The following GMDS variants were observed in gnomAD, a reference collection of about 807,000 sequenced individuals.
GMDS encodes the protein GDP-mannose 4,6 dehydratase.
GMDS carries 20 observed loss-of-function variants against 49.9 expected under a neutral mutation model. That is an observed-to-expected ratio of 0.40 (90% confidence interval 0.28 to 0.58). GMDS has a LOEUF of 0.58. GMDS is among the 20% of genes least tolerant of loss of function. The probability of loss-of-function intolerance (pLI) is 0.42; values close to 1 mark genes in which losing one functional copy is unlikely to be tolerated. For synonymous variants in GMDS, 177 were observed against 178.6 expected (o/e 0.99, Z 0.07); for missense variants, 362 against 481.4 (o/e 0.75, Z 2.32).
At chr6:1,953,275 C>T (rs926646353) in intron 6 of GMDS, among the ~76,000 whole-genome samples, 3 of 151,914 alleles carry the variant, frequency 2.0e-5, no homozygotes, top group Admixed American at 6.6e-5. Flanking sequence ...GAAATCAAAG[C>T]GGCTAATTCT....
At chr6:1,736,021 C>T (rs979078426) in intron 8 of GMDS, among the ~76,000 whole-genome samples, 16 of 152,234 alleles carry the variant, frequency 1.1e-4, no homozygotes, top group African/African-American at 3.4e-4. Flanking sequence ...CTTATGAAGG[C>T]AGCAGTTATT....
intron 4 of GMDS, among the ~76,000 whole-genome samples, chr6:1,976,080 G>A (rs1764882494): frequency 6.6e-6 from 1 of 152,174 alleles, no homozygotes; most frequent in Non-Finnish European, 1.5e-5. Flanking sequence ...TTTGGCTTGT[G>A]AACTCTAGGT....
At chr6:1,974,718 A>G (rs145310093) in intron 4 of GMDS, among the ~76,000 whole-genome samples, 120 of 152,244 alleles carry the variant, frequency 7.9e-4, no homozygotes, top group African/African-American at 2.8e-3. Context: ...ATGCCAACAG[A>G]TTACTAATGC....
chr6:1,660,677 A>G (rs1764038328), intron 9 of GMDS, among the ~76,000 whole-genome samples: 1 of 149,704 alleles, frequency 6.7e-6, no homozygotes, highest in East Asian at 1.9e-4. Flanking sequence ...AATAAGAGGC[A>G]TATCTCAAAC....
Position 1,827,134 on chromosome 6 carries a change from GATAT to G in GMDS, c.772-84552_772-84549del, listed in dbSNP as rs533019372. 4.4e-3 allele frequency among the ~76,000 whole-genome samples: 551 copies of G among 124,474 alleles called. 1 individual carries two copies. Among genetic ancestry groups the G allele is most frequent in the Non-Finnish European group, 7.8e-3 (452 of 57,952 alleles). The allele number at this position is 124,474 out of a possible 152,430, so 81.7% of individuals were successfully genotyped here. On this transcript the variant is annotated intron_variant, in intron 7 of 10. Coordinates refer to ENST00000380815, the MANE Select transcript of GMDS (RefSeq NM_001500.4). Reference sequence around the variant, plus strand: ...TGTGTGTGTGTGTATGTGTATCCAGGATATATATATATATATATGCACACACACA... The same window carrying G: ...TGTGTGTGTGTGTATGTGTATCCAGGATATATATATATATGCACACACACA...
rs552280181 is a variant in GMDS at position 2,220,285 on chromosome 6, A to C, written c.102+25036T>G. ...CAAGATACAGGTACGGTAACCTTTT[A>C]GTCAACACAAGGCCTCACAGATGGA... On this transcript the variant is annotated intron_variant, in intron 1 of 10. Coordinates refer to ENST00000380815, the MANE Select transcript of GMDS (RefSeq NM_001500.4). 8.5e-5 allele frequency among the ~76,000 whole-genome samples: 13 copies of C among 152,290 alleles called. No individual in the cohort carries two copies. In the South Asian group the frequency reaches 2.1e-3, roughly 24 times the overall value.
intron 1 of GMDS, among the ~76,000 whole-genome samples, chr6:2,180,934 G>A (rs1181000235): frequency 6.6e-6 from 1 of 152,136 alleles, no homozygotes; most frequent in Non-Finnish European, 1.5e-5. Context: ...TTGGGAGGCT[G>A]AGGCGGGCAG....
At chr6:1,772,011 AC>A (rs1768596820) in intron 7 of GMDS, among the ~76,000 whole-genome samples, 1 of 152,254 alleles carries the variant, frequency 6.6e-6, no homozygotes, top group African/African-American at 2.4e-5. Context: ...AATAGAAAGA[AC>A]AGCCCTGTGA....
chr6:2,002,258 A>G (rs1218134019), intron 4 of GMDS, among the ~76,000 whole-genome samples: 2 of 152,222 alleles, frequency 1.3e-5, no homozygotes, highest in Non-Finnish European at 2.9e-5. Context: ...TAGTGGCGAA[A>G]GACAGTGTCT....
At chr6:1,841,259 A>G (rs1206290658) in intron 7 of GMDS, among the ~76,000 whole-genome samples, 1 of 152,224 alleles carries the variant, frequency 6.6e-6, no homozygotes. Flanking sequence ...CTCTCAGAAC[A>G]TCCCAAAATA....
intron 4 of GMDS, among the ~76,000 whole-genome samples, chr6:2,004,704 G>C (rs571189676): frequency 6.6e-6 from 1 of 152,114 alleles, no homozygotes; most frequent in Admixed American, 6.6e-5. Flanking sequence ...AAGAAATCCT[G>C]AACACTTCAT....
chr6:1,838,823 A>G (rs999692775), intron 7 of GMDS, among the ~76,000 whole-genome samples: 1 of 152,204 alleles, frequency 6.6e-6, no homozygotes, highest in African/African-American at 2.4e-5. Flanking sequence ...GCATGTAAAC[A>G]TACCTATTAA....
intron 4 of GMDS, among the ~76,000 whole-genome samples, chr6:2,042,351 A>G (rs1769734840): frequency 6.6e-6 from 1 of 152,124 alleles, no homozygotes; most frequent in Non-Finnish European, 1.5e-5. Context: ...TGGCTGACCC[A>G]TCAGCAGGTC....
intron 9 of GMDS, among the ~76,000 whole-genome samples, chr6:1,718,100 C>T (rs904843891): frequency 1.3e-5 from 2 of 152,078 alleles, no homozygotes; most frequent in African/African-American, 4.8e-5. Flanking sequence ...TCCTGGAATT[C>T]GAATTTGCCT....
At position 1,652,745 on chromosome 6, in the gene GMDS, GAC is replaced by G. The variant is rs1763754736; in HGVS notation, c.988-28207_988-28206del. ...AGAGAGAGAGAGAGAGAGAGAGACA[GAC>G]AGACAGACAGACAGACAGACAGACA... On this transcript the variant is annotated intron_variant, in intron 9 of 10. Coordinates refer to ENST00000380815, the MANE Select transcript of GMDS (RefSeq NM_001500.4). Among the ~76,000 whole-genome samples the G allele has an allele frequency of 2.0e-5, 2 of 99,010 alleles. 1 individual carries two copies. The highest frequency in any genetic ancestry group is 9.3e-5 in the African/African-American group (2 of 21,538). 65.0% of individuals were successfully genotyped at this position (99,010 alleles called of 152,430 possible).
chr6:2,091,258 C>T (rs1773297920), intron 4 of GMDS, among the ~76,000 whole-genome samples: 1 of 152,192 alleles, frequency 6.6e-6, no homozygotes, highest in Non-Finnish European at 1.5e-5. Context: ...ATACATTTAA[C>T]AACTTCAATG....
At chr6:1,865,739 C>G (rs779299303) in intron 7 of GMDS, among the ~76,000 whole-genome samples, 1 of 152,176 alleles carries the variant, frequency 6.6e-6, no homozygotes, top group Non-Finnish European at 1.5e-5. Flanking sequence ...TTCCACCCAG[C>G]GAAGCGGTCT....
intron 4 of GMDS, among the ~76,000 whole-genome samples, chr6:2,064,677 G>T (rs553383854): frequency 8.9e-4 from 135 of 152,238 alleles, no homozygotes; most frequent in Non-Finnish European, 1.5e-3. Flanking sequence ...TACACTTCCC[G>T]ACACAAGGCC....
At chr6:1,990,663 C>T (rs1358862229) in intron 4 of GMDS, among the ~76,000 whole-genome samples, 1 of 152,170 alleles carries the variant, frequency 6.6e-6, no homozygotes, top group Non-Finnish European at 1.5e-5. Flanking sequence ...TAATCTCCGC[C>T]TCCCAGGCTA....
Sources: allele counts gnomAD v4.1 joint callset (sites outside exome capture counted in the v4.1 genomes callset), GRCh38; gene constraint gnomAD v4.1.1; transcripts MANE v1.5; gene names NCBI Gene and HGNC (gene_info 2026-07-23, HGNC 2026-07-21).